The following EYS variants were observed in gnomAD, a reference collection of about 807,000 sequenced individuals.
EYS encodes the protein EGF-like photoreceptor maintenance factor.
A neutral mutation model predicts 282.1 loss-of-function variants in EYS; 250 were observed. The ratio of observed to expected loss-of-function variants is 0.89; its 90% CI spans 0.80 to 0.98. EYS has a LOEUF of 0.98. EYS is among the 50% of genes least tolerant of loss of function. The pLI, the probability that EYS is intolerant of heterozygous loss-of-function variation, is 0.00. For synonymous variants in EYS, 1,355 were observed against 1,282.9 expected, an observed-to-expected ratio of 1.06 and a Z score of -1.20; for missense variants, 4,016 against 3,709.0, an observed-to-expected ratio of 1.08 and a Z score of -2.15.
At chr6:64,629,631 G>A (rs1767717435) in intron 22 of EYS, among the ~76,000 whole-genome samples, 1 of 151,986 alleles carries the variant, frequency 6.6e-6, no homozygotes, top group Non-Finnish European at 1.5e-5. Context: ...TTTGTTTACT[G>A]TTCTAAGTGG....
intron 31 of EYS, among the ~76,000 whole-genome samples, chr6:64,097,629 C>T (rs1434672733): frequency 2.0e-5 from 3 of 152,114 alleles, no homozygotes. Context: ...GGGAGTGACC[C>T]AATTTTCCAG....
intron 36 of EYS, among the ~76,000 whole-genome samples, chr6:63,833,137 TTCC>T (rs1299135066): frequency 3.9e-5 from 6 of 152,120 alleles, no homozygotes. Context: ...ACTGGAAGCA[TTCC>T]ATATGAAAAC....
chr6:64,811,832 T>G (rs1006242411), intron 22 of EYS, among the ~76,000 whole-genome samples: 1 of 152,234 alleles, frequency 6.6e-6, no homozygotes, highest in South Asian at 2.1e-4. Flanking sequence ...ATAAACCTCT[T>G]TTCTAGTCTC....
intron 1 of EYS, among the ~76,000 whole-genome samples, chr6:65,678,821 A>AC (rs1427464683): frequency 6.6e-6 from 1 of 151,688 alleles, no homozygotes; most frequent in East Asian, 1.9e-4. Flanking sequence ...ATCTCCAAAA[A>AC]AAAAAAAGAC....
intron 24 of EYS, among the ~76,000 whole-genome samples, chr6:64,608,105 G>T (rs558074516): frequency 5.3e-5 from 8 of 152,262 alleles, no homozygotes; most frequent in African/African-American, 1.9e-4. Context: ...AGCAGTGTAT[G>T]ATATTGCATT....
intron 16 of EYS, among the ~76,000 whole-genome samples, chr6:64,907,663 A>G (rs1767873117): frequency 6.6e-6 from 1 of 152,154 alleles, no homozygotes; most frequent in South Asian, 2.1e-4. Context: ...AGTTGACTGT[A>G]CTGATTGAAA....
chr6:65,194,214 T>C (rs1057458467), intron 12 of EYS, among the ~76,000 whole-genome samples: 2 of 151,876 alleles, frequency 1.3e-5, no homozygotes, highest in Non-Finnish European at 2.9e-5. Context: ...TTCTGTTCAA[T>C]AGGAGTTTTT....
intron 29 of EYS, among the ~76,000 whole-genome samples, chr6:64,328,703 T>A (rs769114248): frequency 3.3e-5 from 5 of 152,072 alleles, no homozygotes; most frequent in Admixed American, 6.6e-5. Flanking sequence ...TAAATTGGGA[T>A]GAGGAGGCCA....
intron 1 of EYS, among the ~76,000 whole-genome samples, chr6:65,693,337 GAA>G (rs764013599): frequency 2.7e-5 from 4 of 147,550 alleles, no homozygotes; most frequent in Non-Finnish European, 4.5e-5. Flanking sequence ...TAAAAATGAA[GAA>G]AACATGTAGG....
At chr6:65,420,825 T>C (rs1051436162) in intron 5 of EYS, among the ~76,000 whole-genome samples, 3 of 151,880 alleles carry the variant, frequency 2.0e-5, no homozygotes, top group African/African-American at 7.2e-5. Flanking sequence ...ATCAGATCTC[T>C]TGGGTGATCA....
chr6:64,455,340 A>G (rs1053216650), intron 26 of EYS, among the ~76,000 whole-genome samples: 2 of 152,182 alleles, frequency 1.3e-5, no homozygotes, highest in African/African-American at 2.4e-5. Context: ...CTGAACTGAA[A>G]TAATGACAAT....
Position 64,156,384 on chromosome 6 carries a change from CT to C in EYS, c.6424+74207del, listed in dbSNP as rs147159645. Among the ~76,000 whole-genome samples, 250 of 152,124 alleles carry C rather than the reference CT, an allele frequency of 1.6e-3. 2 individuals are homozygous for C. The highest frequency in any genetic ancestry group is 3.3e-3 in the Admixed American group (51 of 15,280). On this transcript the variant is annotated intron_variant, in intron 31 of 42. Coordinates refer to ENST00000503581, the MANE Select transcript of EYS (RefSeq NM_001142800.2). ...TGGAACTGTAAGTCCAATTAAACCT[CT>C]TTTTTTCCCCCAGTCTTGAGTATGT...
At chr6:65,429,112 G>A (rs867857155) in intron 5 of EYS, among the ~76,000 whole-genome samples, 70 of 152,134 alleles carry the variant, frequency 4.6e-4, no homozygotes, top group African/African-American at 1.6e-3. Context: ...CCCAGGAGGC[G>A]GGGGTTGTAG....
At chr6:64,460,207 T>C (rs1775697648) in intron 26 of EYS, among the ~76,000 whole-genome samples, 1 of 152,166 alleles carries the variant, frequency 6.6e-6, no homozygotes, top group South Asian at 2.1e-4. Context: ...TAATACACTA[T>C]GGCACAAAAT....
At chr6:64,540,864 T>G (rs368108558) in intron 26 of EYS, among the ~76,000 whole-genome samples, 22 of 152,280 alleles carry the variant, frequency 1.4e-4, no homozygotes, top group African/African-American at 4.8e-4. Flanking sequence ...GGCAATAATA[T>G]CTTCTGATTT....
At chr6:64,387,996 T>A (rs1772969524) in intron 29 of EYS, among the ~76,000 whole-genome samples, 1 of 152,104 alleles carries the variant, frequency 6.6e-6, no homozygotes, top group South Asian at 2.1e-4. Context: ...ATAAAAATAG[T>A]ATGTTCAAAC....
chr6:65,069,233 T>C (rs994162176), intron 12 of EYS, among the ~76,000 whole-genome samples: 1 of 152,054 alleles, frequency 6.6e-6, no homozygotes, highest in African/African-American at 2.4e-5. Context: ...CATTTAAAAC[T>C]ATTCTAGCCT....
At chr6:65,679,861 C>A (rs1454393694) in intron 1 of EYS, among the ~76,000 whole-genome samples, 2 of 151,834 alleles carry the variant, frequency 1.3e-5, no homozygotes, top group Non-Finnish European at 2.9e-5. Flanking sequence ...CAATTTGTTT[C>A]TTCTACCAAT....
chr6:64,715,050 A>G (rs1053001134), intron 22 of EYS, among the ~76,000 whole-genome samples: 2 of 151,632 alleles, frequency 1.3e-5, no homozygotes, highest in African/African-American at 4.8e-5. Context: ...TTTTGGCACC[A>G]GGGACCAGAT....
Sources: allele counts gnomAD v4.1 joint callset (sites outside exome capture counted in the v4.1 genomes callset), GRCh38; gene constraint gnomAD v4.1.1; transcripts MANE v1.5; gene names NCBI Gene and HGNC (gene_info 2026-07-23, HGNC 2026-07-21).